The following LOC128092252 variants were observed in gnomAD, a reference collection of about 807,000 sequenced individuals.
At chr15:50,681,264 TACACACACACACACACAC>T in the LOC128092252 span, among the ~76,000 whole-genome samples, 1 of 146,906 alleles carries the variant, frequency 6.8e-6, no homozygotes, top group Non-Finnish European at 1.5e-5. Flanking sequence ...AATAAATAAA[TACACACACACACACACAC>T]ACACACACAC....
At chr15:50,673,242 T>C in the LOC128092252 span, among the ~76,000 whole-genome samples, 2 of 152,138 alleles carry the variant, frequency 1.3e-5, no homozygotes, top group South Asian at 2.1e-4. Flanking sequence ...AAATGCCTTA[T>C]ACACCTATAC....
At chr15:50,653,731 G>C in the LOC128092252 span, among the ~76,000 whole-genome samples, 3 of 152,082 alleles carry the variant, frequency 2.0e-5, no homozygotes, top group Non-Finnish European at 4.4e-5. Context: ...AGAGTTACCA[G>C]AGAAAAGGGA....
the LOC128092252 span, among the ~76,000 whole-genome samples, chr15:50,654,865 G>A: frequency 6.7e-6 from 1 of 150,036 alleles, no homozygotes; most frequent in African/African-American, 2.4e-5. Context: ...CCCGGGTGTG[G>A]CAGCAGGCAC....
the LOC128092252 span, chr15:50,686,664 C>T: frequency 3.8e-6 from 5 of 1,320,236 alleles, no homozygotes; most frequent in South Asian, 7.1e-5. Flanking sequence ...CCCAGGGAAA[C>T]CTTCTCAGAA....
chr15:50,686,205 G>A, the LOC128092252 span, among the ~76,000 whole-genome samples: 8 of 152,222 alleles, frequency 5.3e-5, no homozygotes, highest in Non-Finnish European at 7.3e-5. Flanking sequence ...CCTGCGTCGG[G>A]CGCGCTGAGG....
At chr15:50,685,191 G>A in the LOC128092252 span, among the ~76,000 whole-genome samples, 3 of 152,194 alleles carry the variant, frequency 2.0e-5, no homozygotes, top group Non-Finnish European at 4.4e-5. Context: ...GGCCTGGCGC[G>A]GTGGCTCACG....
chr15:50,675,369 C>A, the LOC128092252 span, among the ~76,000 whole-genome samples: 4 of 151,692 alleles, frequency 2.6e-5, no homozygotes, highest in Admixed American at 2.6e-4. Flanking sequence ...AAATCTCCTA[C>A]AGCCTTCCCT....
At chr15:50,654,975 T>C in the LOC128092252 span, among the ~76,000 whole-genome samples, 30 of 122,176 alleles carry the variant, frequency 2.5e-4, no homozygotes, top group East Asian at 5.3e-3. Flanking sequence ...CACTCCAGCG[T>C]GGGCGACAGA....
the LOC128092252 span, among the ~76,000 whole-genome samples, chr15:50,679,017 G>A: frequency 6.6e-6 from 1 of 152,120 alleles, no homozygotes; most frequent in Admixed American, 6.5e-5. Context: ...GGGACTACAG[G>A]TGCGTGCCAC....
chr15:50,682,064 G>A, the LOC128092252 span, among the ~76,000 whole-genome samples: 3 of 151,278 alleles, frequency 2.0e-5, no homozygotes, highest in Admixed American at 1.3e-4. Flanking sequence ...TGTAATCCCA[G>A]CTACTCGAGA....
At chr15:50,651,103 C>A in the LOC128092252 span, among the ~76,000 whole-genome samples, 1 of 152,222 alleles carries the variant, frequency 6.6e-6, no homozygotes, top group African/African-American at 2.4e-5. Flanking sequence ...GGGAGGACTG[C>A]TTGAGCCCAG....
At chr15:50,676,505 G>A in the LOC128092252 span, among the ~76,000 whole-genome samples, 3 of 151,962 alleles carry the variant, frequency 2.0e-5, no homozygotes, top group South Asian at 4.2e-4. Context: ...GACTGCTTGA[G>A]GCCAGGAGTT....
chr15:50,652,777 G>C, the LOC128092252 span, among the ~76,000 whole-genome samples: 1 of 152,202 alleles, frequency 6.6e-6, no homozygotes, highest in African/African-American at 2.4e-5. Context: ...GAGGTGGGAA[G>C]ACTGCTTGAG....
the LOC128092252 span, among the ~76,000 whole-genome samples, chr15:50,676,755 C>T: frequency 6.6e-6 from 1 of 151,998 alleles, no homozygotes; most frequent in Non-Finnish European, 1.5e-5. Context: ...AATAGAAATC[C>T]CACAGTCTTA....
chr15:50,666,459 AGAAGAGGAG>A, the LOC128092252 span, among the ~76,000 whole-genome samples: 48 of 151,860 alleles, frequency 3.2e-4, no homozygotes, highest in African/African-American at 1.1e-3. Flanking sequence ...GAAGGGAGAA[AGAAGAGGAG>A]GAAGAGGAAG....
chr15:50,661,115 G>A, the LOC128092252 span, among the ~76,000 whole-genome samples: 1 of 151,830 alleles, frequency 6.6e-6, no homozygotes, highest in Admixed American at 6.6e-5. Flanking sequence ...TAGCTGGGAT[G>A]ACAGGTGCCC....
At chr15:50,658,166 G>A in the LOC128092252 span, among the ~76,000 whole-genome samples, 10 of 151,856 alleles carry the variant, frequency 6.6e-5, no homozygotes, top group Middle Eastern at 3.4e-3. Context: ...CACCATGCCC[G>A]GCTAATTTTT....
chr15:50,679,538 A>ATATATAT, the LOC128092252 span, among the ~76,000 whole-genome samples: 29 of 43,894 alleles, frequency 6.6e-4, no homozygotes, highest in African/African-American at 2.8e-3. Context: ...ATATATATAT[A>ATATATAT]TTTTTTTTTT....
chr15:50,674,929 C>A, the LOC128092252 span, among the ~76,000 whole-genome samples: 5 of 152,098 alleles, frequency 3.3e-5, no homozygotes, highest in African/African-American at 1.2e-4. Context: ...ATTGGCAAAT[C>A]CACCCAAAAC....
Sources: gnomAD v4.1 joint callset for allele counts (sites outside exome capture counted in the v4.1 genomes callset) on GRCh38, gnomAD v4.1.1 for gene constraint, MANE v1.5 for transcripts.